The following LYRM7 variants were observed in gnomAD, a reference collection of about 807,000 sequenced individuals.
LYRM7 encodes LYR motif containing 7, also known as complex III assembly factor LYRM7.
A neutral mutation model predicts 15.8 loss-of-function variants in LYRM7; 9 were observed. The ratio of observed to expected loss-of-function variants is 0.57; its 90% CI spans 0.34 to 0.99. The LOEUF is 0.99. Among genes scored for constraint, LYRM7 ranks in the 50% least tolerant of loss-of-function variants. The pLI is 0.02. For missense variants in LYRM7, 115 were observed against 119.1 expected (o/e 0.97, Z 0.16); for synonymous variants, 39 against 39.4 (o/e 0.99, Z 0.04).
chr5:131,184,216 C>T (rs888046775), intron 3 of LYRM7, among the ~76,000 whole-genome samples: 1 of 152,198 alleles, frequency 6.6e-6, no homozygotes, highest in Non-Finnish European at 1.5e-5. Context: ...ATCCACCCAC[C>T]TCAGCCTCCC....
chr5:131,190,489 CT>C lies in LYRM7; in HGVS notation c.244+3394del, dbSNP rs75062670. ...GATTACAGGCATGAGCCACCGTGCC[CT>C]TTTTTTTTTTTTTCTTTGAAACGGA... is the stretch of plus-strand genomic sequence containing the variant. On this transcript the variant is annotated intron_variant, in intron 4 of 4. Transcript: ENST00000379380. 6.1e-3 allele frequency among the ~76,000 whole-genome samples: 854 copies of C among 140,024 alleles called. 8 individuals carry two copies. Among genetic ancestry groups the C allele is most frequent in the African/African-American group, 0.017 (639 of 38,384 alleles). The allele number at this position is 140,024 out of a possible 152,430, so 91.9% of individuals were successfully genotyped here. A position where few individuals can be genotyped will look rare whatever the true frequency, so the allele number is the denominator to read the frequency against.
intron 2 of LYRM7, among the ~76,000 whole-genome samples, chr5:131,181,479 CAT>C (rs375242515): frequency 0.093 from 11,795 of 126,956 alleles, 613 homozygotes; most frequent in South Asian, 0.14. Flanking sequence ...ATATATATAA[CAT>C]ATATATGTAT....
At chr5:131,197,741 C>T (rs981519244) in intron 4 of LYRM7, among the ~76,000 whole-genome samples, 5 of 151,626 alleles carry the variant, frequency 3.3e-5, no homozygotes, top group East Asian at 1.9e-4. Context: ...GACAGAGTCT[C>T]GCTGTGTTTC....
At position 131,199,651 on chromosome 5, in the gene LYRM7, A is replaced by G; in HGVS notation, c.*50A>G. ...TGTACTTTTTAACTTTAAAATCTAC[A>G]ACTCTGGCAAAAGTCCTGGAAATGC... On this transcript the variant is annotated 3_prime_UTR_variant, in exon 5 of 5. Coordinates refer to ENST00000379380, the MANE Select transcript of LYRM7 (RefSeq NM_181705.4). The G allele has an allele frequency of 2.2e-6, 3 of 1,339,346 alleles. No individual in the cohort carries two copies. The highest frequency in any genetic ancestry group is 2.8e-5 in the South Asian group (2 of 72,130). 83.0% of individuals were successfully genotyped at this position (1,339,346 alleles called of 1,614,324 possible).
chr5:131,183,927 AAATGTAGTGAGAAGAGTGGTAT>A (rs1202421489), intron 3 of LYRM7, among the ~76,000 whole-genome samples: 1 of 152,176 alleles, frequency 6.6e-6, no homozygotes, highest in Non-Finnish European at 1.5e-5. Flanking sequence ...CTATTTTTAA[AAATGTAGTGAGAAGAGTGGTAT>A]TGGTTTTTTT....
intron 3 of LYRM7, among the ~76,000 whole-genome samples, chr5:131,184,793 T>G (rs1165157923): frequency 6.6e-6 from 1 of 152,064 alleles, no homozygotes; most frequent in Non-Finnish European, 1.5e-5. Context: ...GACCCATTAT[T>G]TTCTCCTTCT....
intron 2 of LYRM7, among the ~76,000 whole-genome samples, chr5:131,181,302 A>AAAAAAATATATATATATAT (rs1554089865): frequency 2.3e-4 from 2 of 8,774 alleles, no homozygotes; most frequent in East Asian, 3.3e-3. Context: ...AAAAAAAAAA[A>AAAAAAATATATATATATAT]ATATATATAT....
chr5:131,174,346 T>A (rs955319046), intron 1 of LYRM7, among the ~76,000 whole-genome samples: 23 of 152,224 alleles, frequency 1.5e-4, no homozygotes, highest in African/African-American at 5.5e-4. Flanking sequence ...AGTTAATTCC[T>A]CCACTGAAGT....
In LYRM7 at chr5:131,198,313, GA is replaced by G. The variant is rs1224672772; in HGVS notation, c.245-1210del. ...CTAATAATGTATTTTATGGCAAAAG[GA>G]AAAAAAATTCCCTGTGGACCAGTAT... On this transcript the variant is annotated intron_variant, in intron 4 of 4. Coordinates refer to ENST00000379380, the MANE Select transcript of LYRM7 (RefSeq NM_181705.4). Among the ~76,000 whole-genome samples, 5 of 151,868 alleles carry G rather than the reference GA, an allele frequency of 3.3e-5. No homozygotes were observed. The South Asian group carries it at 8.3e-4, about 25-fold the overall frequency.
intron 4 of LYRM7, 51 bp from the exon 5 acceptor site, chr5:131,199,480 T>C: frequency 7.6e-7 from 1 of 1,312,584 alleles, no homozygotes; most frequent in South Asian, 1.4e-5. Flanking sequence ...TCCTTGCATT[T>C]AATTCTAATT....
Position 131,182,692 on chromosome 5 carries a change from A to G in LYRM7, c.162+393A>G, listed in dbSNP as rs138429973. ...CGGTTAGATATTTATTTTTAATCCCATCTTGGCAATGACAAACAGCCGCAG... is the reference window on the plus strand; with the variant it reads ...CGGTTAGATATTTATTTTTAATCCCGTCTTGGCAATGACAAACAGCCGCAG... On this transcript the variant is annotated intron_variant, in intron 3 of 4. Transcript: ENST00000379380. Among the ~76,000 whole-genome samples, 7 of 152,186 alleles carry G rather than the reference A, an allele frequency of 4.6e-5. No individual in the cohort carries two copies. In the East Asian group the frequency reaches 1.3e-3, roughly 29 times the overall value.
chr5:131,189,569 T>G (rs192529634), intron 4 of LYRM7, among the ~76,000 whole-genome samples: 14 of 151,928 alleles, frequency 9.2e-5, no homozygotes, highest in Middle Eastern at 3.4e-3. Context: ...TTTTTTTACA[T>G]GTGACTATCC....
At chr5:131,181,339 AACATATATGT>A (rs1376479519) in intron 2 of LYRM7, among the ~76,000 whole-genome samples, 5 of 74,480 alleles carry the variant, frequency 6.7e-5, no homozygotes, top group African/African-American at 2.3e-4. Flanking sequence ...ACATATATAT[AACATATATGT>A]TATATATATA....
chr5:131,196,102 CTT>C (rs561484173), intron 4 of LYRM7, among the ~76,000 whole-genome samples: 50 of 130,970 alleles, frequency 3.8e-4, no homozygotes, highest in Non-Finnish European at 3.1e-4. Flanking sequence ...TTCTCCTGTT[CTT>C]TTTTTTTTTT....
chr5:131,171,760 CT>C (rs1755526365), intron 1 of LYRM7: 1 of 152,126 alleles, frequency 6.6e-6, no homozygotes. Context: ...AGGAAATAGC[CT>C]GCTATAATAT....
At position 131,200,104 on chromosome 5, in the gene LYRM7, C is replaced by A. The variant is rs1242577207; in HGVS notation, c.*503C>A. On this transcript the variant is annotated 3_prime_UTR_variant, in exon 5 of 5. Transcript: ENST00000379380. ...GTTTTCTAAAGCACTGGGATTATTTCTGTAGCTAATATATAATTGTACAGT... is the reference window on the plus strand; with the variant it reads ...GTTTTCTAAAGCACTGGGATTATTTATGTAGCTAATATATAATTGTACAGT... The A allele has an allele frequency of 6.6e-6, 1 of 152,302 alleles. No homozygotes were observed. The highest frequency in any genetic ancestry group is 2.4e-5 in the African/African-American group (1 of 41,448). The allele number at this position is 152,302 out of a possible 1,614,324, so 9.4% of individuals were successfully genotyped here. A position where few individuals can be genotyped will look rare whatever the true frequency, so the allele number is the denominator to read the frequency against.
rs201410685 is a variant in LYRM7, at chr5:131,181,416, T to TA, written c.92-813_92-812insA. Reference sequence around the variant, plus strand: ...TATATATTATATATACATATATATGTTTATATATATATAACATATATATGT... The same window carrying TA: ...TATATATTATATATACATATATATGTATTATATATATATAACATATATATGT... On this transcript the variant is annotated intron_variant, in intron 2 of 4. Coordinates refer to ENST00000379380, the MANE Select transcript of LYRM7 (RefSeq NM_181705.4). Among the ~76,000 whole-genome samples the TA allele has an allele frequency of 5.6e-4, 63 of 113,082 alleles. 2 individuals carry two copies. The highest frequency in any genetic ancestry group is 2.4e-3 in the African/African-American group (55 of 22,636). The allele number at this position is 113,082 out of a possible 152,430, so 74.2% of individuals were successfully genotyped here.
Position 131,200,292 on chromosome 5 carries a change from A to G in LYRM7, c.*691A>G, listed in dbSNP as rs982227387. ...GTGGCCCTTGATCAAACTATTTAAT[A>G]TGGCCTTAGTAGAATTAGCTGTATT... On this transcript the variant is annotated 3_prime_UTR_variant, in exon 5 of 5. Transcript: ENST00000379380. 1 of 152,344 alleles carries G rather than the reference A, an allele frequency of 6.6e-6. No individual in the cohort carries two copies. The highest frequency in any genetic ancestry group is 1.9e-4 in the East Asian group (1 of 5,338). 9.4% of individuals were successfully genotyped at this position (152,344 alleles called of 1,614,324 possible). A position where few individuals can be genotyped will look rare whatever the true frequency, so the allele number is the denominator to read the frequency against.
chr5:131,202,987 G>A lies in LYRM7; in HGVS notation c.*3386G>A, dbSNP rs568930798. 2.6e-5 allele frequency: 4 copies of A among 152,456 alleles called. No individual in the cohort carries two copies. In the East Asian group the frequency reaches 7.5e-4, roughly 29 times the overall value. The allele number at this position is 152,456 out of a possible 1,614,324, so 9.4% of individuals were successfully genotyped here. ...TTAAAATTAAGATTTTAGTCAAACT[G>A]TGTTTAAGTTAGTTCTTATTTTCCT... On this transcript the variant is annotated 3_prime_UTR_variant, in exon 5 of 5. Coordinates refer to ENST00000379380, the MANE Select transcript of LYRM7 (RefSeq NM_181705.4).
Sources: gnomAD v4.1 joint callset for allele counts (sites outside exome capture counted in the v4.1 genomes callset) on GRCh38, gnomAD v4.1.1 for gene constraint, MANE v1.5 for transcripts, NCBI Gene and HGNC (gene_info 2026-07-23, HGNC 2026-07-21) for gene names.